The following ANKRD36C variants were observed in gnomAD, a reference collection of about 807,000 sequenced individuals.
ANKRD36C encodes ankyrin repeat domain-containing protein 36C.
In ANKRD36C, 61 loss-of-function variants were observed where a neutral mutation model predicts 276.4. The ratio of observed to expected loss-of-function variants is 0.22; its 90% CI spans 0.18 to 0.27. ANKRD36C has a LOEUF of 0.27. ANKRD36C is among the 10% of genes least tolerant of loss of function. The pLI is 1.00. For synonymous variants in ANKRD36C, 483 were observed against 680.1 expected, an observed-to-expected ratio of 0.71 and a Z score of 4.51; for missense variants, 1,447 against 2,032.3, an observed-to-expected ratio of 0.71 and a Z score of 5.54.
At chr2:95,908,394 C>T (rs1676807882) in intron 42 of ANKRD36C, 108 bp downstream of exon 48, 8 of 1,194,264 alleles carry the variant, frequency 6.7e-6, no homozygotes, top group South Asian at 4.3e-5. Flanking sequence ...CTCAGGACTG[C>T]TGAATCAGAA....
At chr2:95,915,913 A>T (rs1677079269) in intron 38 of ANKRD36C, 67 bp downstream of exon 40, 2 of 1,517,284 alleles carry the variant, frequency 1.3e-6, no homozygotes, top group Non-Finnish European at 1.8e-6. Flanking sequence ...CCCCCCACTG[A>T]TTTATTCGGG....
chr2:95,924,936 T>C (rs1412417914), intron 30 of ANKRD36C, among the ~76,000 whole-genome samples: 3 of 151,616 alleles, frequency 2.0e-5, no homozygotes, highest in African/African-American at 7.3e-5. Context: ...TCACTTTGTT[T>C]CTCATTCTCC....
At chr2:95,921,542 T>C (rs1677268498) in intron 34 of ANKRD36C, 65 bp downstream of exon 34, 9 of 1,552,524 alleles carry the variant, frequency 5.8e-6, no homozygotes, top group Middle Eastern at 2.2e-4. Context: ...ACTGATTTAT[T>C]CGGGGTAGAG....
Position 95,864,287 on chromosome 2 carries a change from AAACAAACTGAAAGAGAAGACCC to A in ANKRD36C, c.3682+3131_3682+3152del, listed in dbSNP as rs1202288198. Among the ~76,000 whole-genome samples the A allele has an allele frequency of 1.2e-4, 18 of 152,198 alleles. No homozygotes were observed. The East Asian group carries it at 3.1e-3, about 26-fold the overall frequency. On this transcript the variant is annotated intron_variant, in intron 60 of 66. Transcript: ENST00000456556. Reference sequence around the variant, plus strand: ...TGAAACACCATCATTATTTACCACAAAACAAACTGAAAGAGAAGACCCATAGGATCATCCCAACAGACACAGG... The same window carrying A: ...TGAAACACCATCATTATTTACCACAAATAGGATCATCCCAACAGACACAGG...
intron 60 of ANKRD36C, among the ~76,000 whole-genome samples, chr2:95,861,757 T>C (rs2264176): frequency 2.0e-5 from 3 of 152,072 alleles, no homozygotes; most frequent in Non-Finnish European, 2.9e-5. Flanking sequence ...AATCACATTA[T>C]AAATGACACT....
At chr2:95,979,979 TA>T (rs1185337679) in intron 5 of ANKRD36C, among the ~76,000 whole-genome samples, 1 of 151,734 alleles carries the variant, frequency 6.6e-6, no homozygotes, top group Non-Finnish European at 1.5e-5. Flanking sequence ...GCAACTGAAC[TA>T]AAAAAAACAG....
chr2:95,923,413 G>A (rs1034686671), intron 32 of ANKRD36C, 82 bp downstream of exon 32: 2 of 1,523,272 alleles, frequency 1.3e-6, no homozygotes, highest in Non-Finnish European at 1.8e-6. Flanking sequence ...GCTTTGATGA[G>A]CCCCCCGCTG....
At chr2:95,927,233 C>G (rs753125069) in exon 28 of ANKRD36C, 15 of 1,610,008 alleles carry the variant, frequency 9.3e-6, no homozygotes, top group African/African-American at 1.3e-5. Context: ...ATTGTTGTCC[C>G]TCCTTTATTT....
chr2:95,923,474 T>C, intron 32 of ANKRD36C, 21 bp downstream of exon 32: 2 of 1,609,300 alleles, frequency 1.2e-6, no homozygotes, highest in South Asian at 2.2e-5. Flanking sequence ...ACATGACATT[T>C]AATGTGTTTT....
chr2:95,985,213 A>C (rs1218087115), intron 3 of ANKRD36C, among the ~76,000 whole-genome samples: 10 of 152,224 alleles, frequency 6.6e-5, no homozygotes, highest in Admixed American at 6.5e-4. Flanking sequence ...TGTTATTCTC[A>C]TGCTGATAGA....
intron 36 of ANKRD36C, 149 bp from the exon 39 acceptor site, chr2:95,916,320 A>T: frequency 7.2e-7 from 1 of 1,385,676 alleles, no homozygotes; most frequent in South Asian, 1.2e-5. Flanking sequence ...GGACTAGAAC[A>T]TGACAGAAAT....
intron 62 of ANKRD36C, among the ~76,000 whole-genome samples, 184 bp downstream of exon 82, chr2:95,857,125 A>G (rs576227223): frequency 1.3e-5 from 2 of 152,142 alleles, no homozygotes; most frequent in Non-Finnish European, 2.9e-5. Flanking sequence ...AGGCCTTTGA[A>G]CTAAAATAAA....
intron 3 of ANKRD36C, 43 bp from the exon 4 acceptor site, chr2:95,982,405 T>C (rs1558664527): frequency 2.7e-6 from 4 of 1,455,262 alleles, no homozygotes; most frequent in Non-Finnish European, 3.7e-6. Context: ...AAATTACATA[T>C]TTATCAACTG....
intron 42 of ANKRD36C, 91 bp downstream of exon 54, chr2:95,902,795 G>A: frequency 7.2e-7 from 1 of 1,398,276 alleles, no homozygotes; most frequent in Non-Finnish European, 9.6e-7. Context: ...AGAATGTGCA[G>A]CTTCAACGAG....
chr2:95,911,852 A>G (rs1573758966), intron 42 of ANKRD36C, among the ~76,000 whole-genome samples: 1 of 151,432 alleles, frequency 6.6e-6, no homozygotes, highest in Non-Finnish European at 1.5e-5. Context: ...TACAGTGTCT[A>G]TGGGTTATTA....
intron 60 of ANKRD36C, among the ~76,000 whole-genome samples, chr2:95,863,071 C>A (rs2442215): frequency 0.28 from 41,785 of 151,238 alleles, 6,665 homozygotes; most frequent in East Asian, 0.48. Context: ...CCTTGAGGAG[C>A]TCAATAAATG....
In ANKRD36C at chr2:95,925,432, G is replaced by C. The variant is rs770408651; in HGVS notation, c.1969-8C>G. 68 of 1,551,890 alleles carry C rather than the reference G, an allele frequency of 4.4e-5. No individual in the cohort carries two copies. The highest frequency in any genetic ancestry group is 4.6e-5 in the Non-Finnish European group (53 of 1,148,208). ...TTTCTTTTTAAATATAACCTGAATG[G>C]AAAGAGAAACAAAATAGTCAATACA... On this transcript the variant is annotated splice_polypyrimidine_tract_variant and splice_region_variant and intron_variant, in intron 29 of 66. Transcript: ENST00000456556.
chr2:95,908,469 T>A (rs1375419878), intron 42 of ANKRD36C, 33 bp downstream of exon 48: 1 of 1,480,352 alleles, frequency 6.8e-7, no homozygotes, highest in African/African-American at 1.4e-5. Context: ...CTATCTGGAC[T>A]GAACATGACA....
chr2:95,973,644 C>A (rs948231822), intron 6 of ANKRD36C, among the ~76,000 whole-genome samples: 5 of 152,128 alleles, frequency 3.3e-5, no homozygotes, highest in African/African-American at 1.2e-4. Flanking sequence ...GTCGAAAAGT[C>A]AAAAACTGCA....
Sources: allele counts gnomAD v4.1 joint callset (sites outside exome capture counted in the v4.1 genomes callset), GRCh38; gene constraint gnomAD v4.1.1; transcripts MANE v1.5; gene names NCBI Gene and HGNC (gene_info 2026-07-23, HGNC 2026-07-21).